The following SFSWAP variants were observed in gnomAD, a reference collection of about 807,000 sequenced individuals.
The protein encoded by SFSWAP is splicing factor SWAP.
SFSWAP carries 17 observed loss-of-function variants against 100.7 expected under a neutral mutation model. That is an observed-to-expected ratio of 0.17 (90% CI 0.12 to 0.25). SFSWAP has a LOEUF of 0.25. Among genes scored for constraint, SFSWAP ranks in the 10% least tolerant of loss-of-function variants. SFSWAP has a pLI of 1.00. For missense variants in SFSWAP, 1,005 were observed against 1,262.6 expected, an observed-to-expected ratio of 0.80 and a Z score of 3.09; for synonymous variants, 504 against 510.1, an observed-to-expected ratio of 0.99 and a Z score of 0.16.
intron 5 of SFSWAP, 118 bp from the exon 6 acceptor site, chr12:131,726,822 A>G: frequency 1.5e-6 from 1 of 675,862 alleles, no homozygotes; most frequent in Non-Finnish European, 2.6e-6. Context: ...GAAATTTCTA[A>G]AAGTGTTTTT....
chr12:131,728,110 G>T (rs147050344), intron 6 of SFSWAP, among the ~76,000 whole-genome samples, 183 bp from the exon 7 acceptor site: 10 of 152,314 alleles, frequency 6.6e-5, no homozygotes, highest in Non-Finnish European at 1.3e-4. Flanking sequence ...TGTTCACTCA[G>T]TTCCTCTGAG....
chr12:131,753,349 AACC>A lies in SFSWAP; in HGVS notation c.1317_1319del (p.Thr440del), dbSNP rs770607223. On this transcript the variant is annotated inframe_deletion, in exon 8 of 18. Coordinates refer to ENST00000261674, the MANE Select transcript of SFSWAP (RefSeq NM_004592.4). ...AGACTAGCAGCGGGGCCACCTCCACAACCACCACCACAAGGTAGGTGCAGCGTC... is the reference window on the plus strand; with the variant it reads ...AGACTAGCAGCGGGGCCACCTCCACAACCACCACAAGGTAGGTGCAGCGTC... The A allele has an allele frequency of 1.9e-6, 3 of 1,613,194 alleles. No homozygotes were observed. In the East Asian group the frequency reaches 6.7e-5, roughly 36 times the overall value.
Position 131,711,265 on chromosome 12 carries a change from G to A in SFSWAP, c.36G>A (p.Glu12=), listed in dbSNP as rs1877298437. The A allele has an allele frequency of 6.2e-7, 1 of 1,611,070 alleles. No homozygotes were observed. Among genetic ancestry groups the A allele is most frequent in the Non-Finnish European group, 8.5e-7 (1 of 1,179,244 alleles). ...CGAGCGGGGGCCGCGCCAAACCCGA[G>A]AGGAAAAGCGGCGCGAAGGAGGAGG... The part of the protein sequence containing the change: ...YGASGGRAKP[E]RKSGAKEEAG... The change falls in exon 1 of 18, where the codon GAG becomes GAA. Residue 12 remains glutamate (E), a synonymous_variant. Transcript: ENST00000261674. The surrounding 1 kb of genome is among the most constrained non-coding windows in gnomAD (Gnocchi z 4.9).
chr12:131,785,276 A>C, intron 14 of SFSWAP: 2 of 1,398,938 alleles, frequency 1.4e-6, no homozygotes, highest in Non-Finnish European at 1.9e-6. Flanking sequence ...AATCTTAGGA[A>C]AGGTCTGGGA....
chr12:131,750,584 T>G (rs1881533794), intron 7 of SFSWAP, among the ~76,000 whole-genome samples: 1 of 152,172 alleles, frequency 6.6e-6, no homozygotes, highest in African/African-American at 2.4e-5. Flanking sequence ...CCTGAGTGGT[T>G]TTTAGCGTGG....
chr12:131,786,418 G>T lies in SFSWAP; in HGVS notation c.2409-45G>T, dbSNP rs767835735. 4 of 1,550,484 alleles carry T rather than the reference G, an allele frequency of 2.6e-6. No homozygotes were observed. The South Asian group carries it at 3.6e-5, about 14-fold the overall frequency. On this transcript the variant is annotated intron_variant, in intron 14 of 17. Transcript: ENST00000261674. ...GGCAGTAGGAAGCATGACACGTCCC[G>T]CCAGCCAGGCCACAGAGCTGAACAC...
At chr12:131,764,409 A>T (rs1370900051) in intron 11 of SFSWAP, 47 bp from the exon 12 acceptor site, 1 of 1,524,904 alleles carries the variant, frequency 6.6e-7, no homozygotes, top group East Asian at 2.3e-5. Context: ...GCCTGCAAAG[A>T]TTTCCACTCT....
chr12:131,773,793 T>C (rs903625882), intron 13 of SFSWAP, among the ~76,000 whole-genome samples: 1 of 152,226 alleles, frequency 6.6e-6, no homozygotes, highest in Non-Finnish European at 1.5e-5. Flanking sequence ...AGAAGCTTGC[T>C]TGTTAACCAG....
chr12:131,737,164 C>T (rs764106164), intron 7 of SFSWAP, among the ~76,000 whole-genome samples: 1 of 152,138 alleles, frequency 6.6e-6, no homozygotes, highest in Non-Finnish European at 1.5e-5. Context: ...AGGGCCCGAG[C>T]GCTGCAGGGC....
At chr12:131,774,193 AGT>A (rs1883833458) in intron 13 of SFSWAP, among the ~76,000 whole-genome samples, 1 of 152,186 alleles carries the variant, frequency 6.6e-6, no homozygotes, top group South Asian at 2.1e-4. Context: ...GTGGTAGGGC[AGT>A]GGGGCTGGGT....
At chr12:131,762,056 A>G (rs999991530) in intron 11 of SFSWAP, among the ~76,000 whole-genome samples, 1 of 152,164 alleles carries the variant, frequency 6.6e-6, no homozygotes, top group Admixed American at 6.5e-5. Context: ...AACATGGTGA[A>G]ACCCATCTCT....
In SFSWAP at chr12:131,773,061, A is replaced by G. The variant is rs562422550; in HGVS notation, c.2143-5004A>G. ...CCTTTGTCTGGAGTCTGGGGTTCTT[A>G]TGGGCACAGGATAGGGGGCAGAGCA... On this transcript the variant is annotated intron_variant, in intron 13 of 17. Coordinates refer to ENST00000261674, the MANE Select transcript of SFSWAP (RefSeq NM_004592.4). 9.9e-5 allele frequency among the ~76,000 whole-genome samples: 15 copies of G among 152,112 alleles called. No homozygotes were observed. The East Asian group carries it at 2.9e-3, about 29-fold the overall frequency.
intron 4 of SFSWAP, 46 bp downstream of exon 4, chr12:131,719,585 A>G: frequency 1.4e-6 from 2 of 1,398,996 alleles, no homozygotes; most frequent in Non-Finnish European, 2.0e-6. Flanking sequence ...ATTATTTATC[A>G]TAATTCACTC....
Position 131,778,098 on chromosome 12 carries a change from G to A in SFSWAP, c.2176G>A (p.Gly726Arg), listed in dbSNP as rs1190439541. 6.2e-7 allele frequency: 1 copy of A among 1,613,688 alleles called. No homozygotes were observed. Among genetic ancestry groups the A allele is most frequent in the African/African-American group, 1.3e-5 (1 of 74,894 alleles). Residue 726 changes from glycine (G) to arginine (R), a missense_variant, in exon 14 of 18, where the codon GGA becomes AGA. Around this residue, in one of 7 missense-constraint regions of SFSWAP, gnomAD observed 295 missense variants for 347.9 expected, o/e 0.85. Transcript: ENST00000261674. The surrounding 1 kb of genome is among the most constrained non-coding windows in gnomAD (Gnocchi z 4.2). ...CACTACGCCCTGCCCTCTACTGACTGGAGGCAGGCCTCTGCCTACTTTAGA... is the reference window on the plus strand; with the variant it reads ...CACTACGCCCTGCCCTCTACTGACTAGAGGCAGGCCTCTGCCTACTTTAGA... ...SSTTPCPLLT[G>R]GRPLPTLEVK...
chr12:131,792,789 G>A lies in SFSWAP; in HGVS notation c.2535-4389G>A, dbSNP rs142644936. ...AGACTCCTGTTCTCCACAAGTTGAC[G>A]CAGAGATGCAGTGCAGTCCCACTCA... On this transcript the variant is annotated intron_variant, in intron 15 of 17. Transcript: ENST00000261674. Among the ~76,000 whole-genome samples, 49 of 152,344 alleles carry A rather than the reference G, an allele frequency of 3.2e-4. No homozygotes were observed. The Middle Eastern group carries it at 0.024, about 74-fold the overall frequency.
At chr12:131,795,663 G>C (rs1163034584) in intron 15 of SFSWAP, among the ~76,000 whole-genome samples, 6 of 151,964 alleles carry the variant, frequency 3.9e-5, no homozygotes, top group South Asian at 2.1e-4. Context: ...CTGGGCCTGT[G>C]CACAGGCCCT....
At position 131,784,987 on chromosome 12, in the gene SFSWAP, A is replaced by G; in HGVS notation, c.2409-1476A>G. The G allele has an allele frequency of 2.7e-6, 3 of 1,126,388 alleles. No homozygotes were observed. The South Asian group carries it at 5.4e-5, about 20-fold the overall frequency. 69.8% of individuals were successfully genotyped at this position (1,126,388 alleles called of 1,614,324 possible). A position where few individuals can be genotyped will look rare whatever the true frequency, so the allele number is the denominator to read the frequency against. The stretch of plus-strand genomic sequence containing the variant: ...CATTCCCCAGCCGCTATAGCTTTGA[A>G]TAAGCAGAGCTTTTTTCAGAGTTCT... On this transcript the variant is annotated intron_variant, in intron 14 of 17. Transcript: ENST00000261674.
rs1299245931 is a variant in SFSWAP, at chr12:131,774,031, G to C, written c.2143-4034G>C. Among the ~76,000 whole-genome samples the C allele has an allele frequency of 2.0e-5, 3 of 152,328 alleles. No homozygotes were observed. The South Asian group carries it at 6.2e-4, about 32-fold the overall frequency. ...AGGCAGAACCGGAATGACAATGGGA[G>C]GCCAGTTGTGGAGAGCCTGGGACGC... On this transcript the variant is annotated intron_variant, in intron 13 of 17. Coordinates refer to ENST00000261674, the MANE Select transcript of SFSWAP (RefSeq NM_004592.4).
At chr12:131,742,826 G>T (rs973656262) in intron 7 of SFSWAP, among the ~76,000 whole-genome samples, 2 of 152,168 alleles carry the variant, frequency 1.3e-5, no homozygotes, top group African/African-American at 4.8e-5. Flanking sequence ...TCACACTGCT[G>T]ATAAAGACAT....
Sources: allele counts gnomAD v4.1 joint callset (sites outside exome capture counted in the v4.1 genomes callset), GRCh38; gene constraint gnomAD v4.1.1; regional missense constraint gnomAD v4.1.1; non-coding constraint Gnocchi (gnomAD v3.1); transcripts MANE v1.5; gene names NCBI Gene and HGNC (gene_info 2026-07-23, HGNC 2026-07-21).